The following ZNF385D variants were observed in gnomAD, a reference collection of about 807,000 sequenced individuals.
The protein encoded by ZNF385D is zinc finger protein 659.
ZNF385D carries 15 observed loss-of-function variants against 35.8 expected under a neutral mutation model. The ratio of observed to expected loss-of-function variants is 0.42; its 90% CI spans 0.28 to 0.64. The LOEUF (loss-of-function observed/expected upper bound fraction) is 0.64, where lower values mean the gene tolerates loss of function less well. ZNF385D is among the 30% of genes least tolerant of loss of function. ZNF385D has a pLI of 0.23. For synonymous variants in ZNF385D, 212 were observed against 186.8 expected (o/e 1.13, Z -1.10); for missense variants, 474 against 494.6 (o/e 0.96, Z 0.39).
intron 3 of ZNF385D, among the ~76,000 whole-genome samples, chr3:21,875,746 C>T (rs1697930108): frequency 6.6e-6 from 1 of 152,180 alleles, no homozygotes; most frequent in Admixed American, 6.6e-5. Context: ...TAGTGGCAGC[C>T]GTGTCATTGC....
intron 3 of ZNF385D, among the ~76,000 whole-genome samples, chr3:21,817,566 A>G (rs979190258): frequency 1.3e-5 from 2 of 152,220 alleles, no homozygotes; most frequent in East Asian, 3.8e-4. Context: ...CAACAGACAC[A>G]TGAAAAAATG....
At chr3:21,800,458 T>A (rs985894018) in intron 3 of ZNF385D, among the ~76,000 whole-genome samples, 4 of 152,136 alleles carry the variant, frequency 2.6e-5, no homozygotes, top group Admixed American at 2.6e-4. Context: ...GAATAAAAGT[T>A]GAACATCTAG....
intron 3 of ZNF385D, among the ~76,000 whole-genome samples, chr3:21,932,952 C>T (rs754757275): frequency 1.1e-4 from 16 of 152,066 alleles, no homozygotes; most frequent in Non-Finnish European, 8.8e-5. Context: ...GATAGGAGAT[C>T]GCAAAGCTAG....
chr3:21,423,148 A>G (rs1700823742), intron 7 of ZNF385D, among the ~76,000 whole-genome samples: 1 of 152,038 alleles, frequency 6.6e-6, no homozygotes, highest in African/African-American at 2.4e-5. Context: ...GTTTCAGGAT[A>G]CAAAATTAAA....
intron 3 of ZNF385D, among the ~76,000 whole-genome samples, chr3:21,918,604 G>C (rs893983017): frequency 6.6e-6 from 1 of 152,038 alleles, no homozygotes; most frequent in East Asian, 1.9e-4. Context: ...ATACATGAGA[G>C]GAAAAGTGAA....
At chr3:22,087,594 C>A (rs747501077) in intron 3 of ZNF385D, among the ~76,000 whole-genome samples, 25 of 152,126 alleles carry the variant, frequency 1.6e-4, no homozygotes, top group Non-Finnish European at 2.8e-4. Flanking sequence ...AACGATTCTT[C>A]AACAGGATAG....
At chr3:21,812,976 G>A (rs1172197736) in intron 3 of ZNF385D, among the ~76,000 whole-genome samples, 1 of 152,148 alleles carries the variant, frequency 6.6e-6, no homozygotes, top group East Asian at 1.9e-4. Flanking sequence ...ATACAGCTGG[G>A]TGCGCCTCTG....
chr3:21,963,076 A>G (rs1702687179), intron 3 of ZNF385D, among the ~76,000 whole-genome samples: 1 of 152,192 alleles, frequency 6.6e-6, no homozygotes, highest in Non-Finnish European at 1.5e-5. Flanking sequence ...TCCTGGTTCA[A>G]AAACCCAACC....
At chr3:22,001,770 A>C (rs544644566) in intron 3 of ZNF385D, among the ~76,000 whole-genome samples, 1 of 152,116 alleles carries the variant, frequency 6.6e-6, no homozygotes, top group African/African-American at 2.4e-5. Context: ...CCTATAAAGT[A>C]TTTTTTCAGA....
At chr3:21,541,824 T>G (rs1287672594) in intron 3 of ZNF385D, among the ~76,000 whole-genome samples, 1 of 152,192 alleles carries the variant, frequency 6.6e-6, no homozygotes, top group African/African-American at 2.4e-5. Context: ...ACTTTTGGTT[T>G]CTATAAGTTT....
At chr3:21,543,431 C>T (rs1042877293) in intron 3 of ZNF385D, among the ~76,000 whole-genome samples, 1 of 152,016 alleles carries the variant, frequency 6.6e-6, no homozygotes, top group African/African-American at 2.4e-5. Context: ...CGGTCTTTTC[C>T]TTTTTCCAGA....
At chr3:22,004,467 G>C (rs565887261) in intron 3 of ZNF385D, among the ~76,000 whole-genome samples, 8 of 152,258 alleles carry the variant, frequency 5.3e-5, no homozygotes, top group African/African-American at 1.9e-4. Flanking sequence ...TGCACAGCAA[G>C]AGAAACAATC....
intron 2 of ZNF385D, among the ~76,000 whole-genome samples, chr3:22,263,904 AAT>A (rs2125349385): frequency 6.6e-6 from 1 of 152,144 alleles, no homozygotes; most frequent in East Asian, 1.9e-4. Context: ...CAAAAAAGTC[AAT>A]AGTGTCAAGG....
intron 3 of ZNF385D, among the ~76,000 whole-genome samples, chr3:22,148,444 T>A (rs1425900441): frequency 6.6e-6 from 1 of 152,308 alleles, no homozygotes; most frequent in African/African-American, 2.4e-5. Flanking sequence ...AATCCATTCA[T>A]GGAAAACCTG....
Position 21,421,121 on chromosome 3 carries a change from A to T in ZNF385D, c.*93T>A. 1.3e-6 allele frequency: 1 copy of T among 797,226 alleles called. No individual in the cohort carries two copies. Among genetic ancestry groups the T allele is most frequent in the Non-Finnish European group, 1.7e-6 (1 of 576,306 alleles). 49.4% of individuals were successfully genotyped at this position (797,226 alleles called of 1,614,324 possible). A position where few individuals can be genotyped will look rare whatever the true frequency, so the allele number is the denominator to read the frequency against. On this transcript the variant is annotated 3_prime_UTR_variant, in exon 8 of 8. Coordinates refer to ENST00000281523, the MANE Select transcript of ZNF385D (RefSeq NM_024697.3). ...AGTCCTGGCTCTTCAGATATACTTT[A>T]AACTATAAATAAACACTGCATAGTT...
At chr3:21,846,911 T>G (rs2125799657) in intron 3 of ZNF385D, among the ~76,000 whole-genome samples, 1 of 152,140 alleles carries the variant, frequency 6.6e-6, no homozygotes, top group African/African-American at 2.4e-5. Flanking sequence ...ACTGATAACC[T>G]ATTAGTGGTT....
chr3:21,474,572 A>G (rs951772573), intron 4 of ZNF385D, among the ~76,000 whole-genome samples: 16 of 152,140 alleles, frequency 1.1e-4, no homozygotes, highest in African/African-American at 3.9e-4. Flanking sequence ...CCTTTATCCT[A>G]CACCATCTGC....
At chr3:22,034,102 GGACTGAATGTTT>G (rs1488780947) in intron 3 of ZNF385D, among the ~76,000 whole-genome samples, 1 of 152,070 alleles carries the variant, frequency 6.6e-6, no homozygotes, top group Non-Finnish European at 1.5e-5. Flanking sequence ...ACCCTGCTGT[GGACTGAATGTTT>G]GTGTTCCCCC....
At chr3:21,729,957 T>TTC (rs2068921966) in intron 1 of ZNF385D, among the ~76,000 whole-genome samples, 2 of 152,222 alleles carry the variant, frequency 1.3e-5, no homozygotes, top group South Asian at 4.1e-4. Context: ...TTATTCATTC[T>TTC]TCCTTCACTC....
Sources: allele counts gnomAD v4.1 joint callset (sites outside exome capture counted in the v4.1 genomes callset), GRCh38; gene constraint gnomAD v4.1.1; transcripts MANE v1.5; gene names NCBI Gene and HGNC (gene_info 2026-07-23, HGNC 2026-07-21).